Variants in SHOC2 observed in about 807,000 individuals in gnomAD.
SHOC2 encodes the protein leucine-rich repeat protein SHOC-2.
A neutral mutation model predicts 50.2 loss-of-function variants in SHOC2; 4 were observed. The observed-to-expected ratio is 0.08, with a 90% CI of 0.04 to 0.18. The LOEUF (loss-of-function observed/expected upper bound fraction) is 0.18. Among genes scored for constraint, SHOC2 ranks in the 10% least tolerant of loss-of-function variants. SHOC2 has a pLI of 1.00. For missense variants in SHOC2, 388 were observed against 669.6 expected, an observed-to-expected ratio of 0.58 and a Z score of 4.64; for synonymous variants, 218 against 244.5, an observed-to-expected ratio of 0.89 and a Z score of 1.01.
intron 2 of SHOC2, among the ~76,000 whole-genome samples, chr10:110,966,728 A>G (rs1259527727): frequency 6.6e-6 from 1 of 152,128 alleles, no homozygotes; most frequent in Admixed American, 6.6e-5. Flanking sequence ...ATTTGTGGCT[A>G]CCTAATCTTT....
chr10:110,966,415 A>G (rs1020656527), intron 2 of SHOC2, among the ~76,000 whole-genome samples: 1 of 152,096 alleles, frequency 6.6e-6, no homozygotes, highest in Non-Finnish European at 1.5e-5. Context: ...TTTGACCTGC[A>G]TGTTATGGCT....
In SHOC2 at chr10:110,964,454, A is replaced by G. The variant is rs1847633735; in HGVS notation, c.96A>G (p.Gly32=). ...GAGAAAAGGAGGCAAAAGCCTCTGGAGGTTTTGGGAAAGAGAGCAAAGAAA... is the reference window on the plus strand; with the variant it reads ...GAGAAAAGGAGGCAAAAGCCTCTGGGGGTTTTGGGAAAGAGAGCAAAGAAA... ...KEREKEAKAS[G]GFGKESKEKE... The change falls in exon 2 of 9, where the codon GGA becomes GGG. Residue 32 remains glycine, a synonymous_variant. Transcript: ENST00000369452. This position sits in a 1 kb window ranked among gnomAD's most constrained non-coding sequence, Gnocchi z 4.9. 4 of 1,614,038 alleles carry G rather than the reference A, an allele frequency of 2.5e-6. No homozygotes were observed. Among genetic ancestry groups the G allele is most frequent in the Non-Finnish European group, 3.4e-6 (4 of 1,179,968 alleles).
Position 110,996,382 on chromosome 10 carries a change from C to T in SHOC2, c.842-4033C>T, listed in dbSNP as rs999426936. Among the ~76,000 whole-genome samples, 5 of 151,996 alleles carry T rather than the reference C, an allele frequency of 3.3e-5. No homozygotes were observed. In the South Asian group the frequency reaches 6.3e-4, roughly 19 times the overall value. Reference sequence around the variant, plus strand: ...ATCTCTACAAAAATACAAAAATTAGCTGGGTGTGGTGGTGCATGCCTGTAG... The same window carrying T: ...ATCTCTACAAAAATACAAAAATTAGTTGGGTGTGGTGGTGCATGCCTGTAG... On this transcript the variant is annotated intron_variant, in intron 3 of 8. Transcript: ENST00000369452.
chr10:110,993,680 G>C (rs1490981368), intron 3 of SHOC2, among the ~76,000 whole-genome samples: 1 of 151,918 alleles, frequency 6.6e-6, no homozygotes, highest in African/African-American at 2.4e-5. Flanking sequence ...TTTTTATTTT[G>C]TAATTTTTAA....
At chr10:110,963,984 G>A in intron 1 of SHOC2, 141 bp from the exon 2 acceptor site, 1 of 390,060 alleles carries the variant, frequency 2.6e-6, no homozygotes, top group South Asian at 1.1e-4. Context: ...GTTTTAAATG[G>A]ATTTTTACCT....
chr10:110,936,481 A>C lies in SHOC2; in HGVS notation c.-235+16824A>C, dbSNP rs898553782. The C allele has an allele frequency of 5.3e-6, 3 of 568,056 alleles. No homozygotes were observed. The African/African-American group carries it at 5.7e-5, about 11-fold the overall frequency. The allele number at this position is 568,056 out of a possible 1,614,324, so 35.2% of individuals were successfully genotyped here. A position where few individuals can be genotyped will look rare whatever the true frequency, so the allele number is the denominator to read the frequency against. On this transcript the variant is annotated intron_variant, in intron 1 of 8. Coordinates refer to ENST00000369452, the MANE Select transcript of SHOC2 (RefSeq NM_007373.4). ...TAATGTTTTTTGCGTAGATTCTCAA[A>C]GGATTCTCTTTTTAAATCTTTGAGA...
intron 1 of SHOC2, among the ~76,000 whole-genome samples, chr10:110,952,172 A>AT (rs1325200588): frequency 7.9e-5 from 12 of 151,658 alleles, no homozygotes; most frequent in South Asian, 2.1e-4. Flanking sequence ...AATTTAAGTG[A>AT]TTTTTTCCAG....
chr10:110,994,100 G>C (rs1347700122), intron 3 of SHOC2, among the ~76,000 whole-genome samples: 1 of 151,828 alleles, frequency 6.6e-6, no homozygotes, highest in Non-Finnish European at 1.5e-5. Flanking sequence ...GGATGGTCTT[G>C]TTTACTTCCA....
At chr10:110,993,338 G>C (rs1848216759) in intron 3 of SHOC2, among the ~76,000 whole-genome samples, 1 of 152,202 alleles carries the variant, frequency 6.6e-6, no homozygotes, top group African/African-American at 2.4e-5. Context: ...ATAAATGCCA[G>C]ACTTCTGATG....
At position 110,961,905 on chromosome 10, in the gene SHOC2, A is replaced by G. The variant is rs545388736; in HGVS notation, c.-234-2220A>G. 2.6e-5 allele frequency among the ~76,000 whole-genome samples: 4 copies of G among 151,994 alleles called. No individual in the cohort carries two copies. The South Asian group carries it at 8.3e-4, about 32-fold the overall frequency. On this transcript the variant is annotated intron_variant, in intron 1 of 8. Transcript: ENST00000369452. Reference sequence around the variant, plus strand: ...AAATATACTGGTGTTCAGATCTTACATTTGGTCATATCATGTGTTTCCCGA... The same window carrying G: ...AAATATACTGGTGTTCAGATCTTACGTTTGGTCATATCATGTGTTTCCCGA...
At chr10:110,956,888 G>C (rs1847474865) in intron 1 of SHOC2, among the ~76,000 whole-genome samples, 1 of 151,708 alleles carries the variant, frequency 6.6e-6, no homozygotes, top group African/African-American at 2.4e-5. Flanking sequence ...CTCGTAAGTA[G>C]CTTCTTCTTG....
chr10:110,921,991 A>G (rs962422975), intron 1 of SHOC2, among the ~76,000 whole-genome samples: 3 of 152,032 alleles, frequency 2.0e-5, no homozygotes, highest in African/African-American at 7.2e-5. Flanking sequence ...TTTTTAAACT[A>G]CCGTATTCAG....
chr10:110,938,523 A>C (rs917454749), intron 1 of SHOC2, among the ~76,000 whole-genome samples: 1 of 152,176 alleles, frequency 6.6e-6, no homozygotes, highest in African/African-American at 2.4e-5. Flanking sequence ...TATGTTTACT[A>C]CTAAATAAGT....
chr10:110,975,414 T>A (rs113420140), intron 2 of SHOC2, among the ~76,000 whole-genome samples: 142 of 152,328 alleles, frequency 9.3e-4, no homozygotes, highest in African/African-American at 3.2e-3. Context: ...AGTGCTGGGA[T>A]TACAGGCGTG....
At chr10:110,932,299 C>T (rs1283624308) in intron 1 of SHOC2, among the ~76,000 whole-genome samples, 1 of 152,068 alleles carries the variant, frequency 6.6e-6, no homozygotes, top group African/African-American at 2.4e-5. Context: ...GGGTTTAATC[C>T]TGAGGACTCC....
intron 3 of SHOC2, among the ~76,000 whole-genome samples, chr10:110,996,106 C>T (rs1848263019): frequency 6.6e-6 from 1 of 152,176 alleles, no homozygotes; most frequent in Non-Finnish European, 1.5e-5. Context: ...TCTTGTGTGG[C>T]ACTATGCAAT....
chr10:110,969,386 A>G (rs1362962238), intron 2 of SHOC2, among the ~76,000 whole-genome samples: 1 of 152,116 alleles, frequency 6.6e-6, no homozygotes, highest in African/African-American at 2.4e-5. Flanking sequence ...GGTTCCTTTG[A>G]GTTTCTTGTA....
At chr10:110,987,578 C>T (rs570902576) in intron 3 of SHOC2, among the ~76,000 whole-genome samples, 3 of 152,066 alleles carry the variant, frequency 2.0e-5, no homozygotes, top group Non-Finnish European at 4.4e-5. Context: ...TATTAATATC[C>T]AAAATAAATA....
intron 2 of SHOC2, among the ~76,000 whole-genome samples, chr10:110,974,649 G>A (rs140098196): frequency 6.6e-6 from 1 of 151,712 alleles, no homozygotes; most frequent in Non-Finnish European, 1.5e-5. Context: ...TGGCATATTA[G>A]TTACACATCT....
Sources: allele counts gnomAD v4.1 joint callset (sites outside exome capture counted in the v4.1 genomes callset), GRCh38; gene constraint gnomAD v4.1.1; non-coding constraint Gnocchi (gnomAD v3.1); transcripts MANE v1.5; gene names NCBI Gene and HGNC (gene_info 2026-07-23, HGNC 2026-07-21).